Variants in NPHP1 observed in about 807,000 individuals in gnomAD.
NPHP1 encodes the protein nephrocystin-1.
A neutral mutation model predicts 90.4 loss-of-function variants in NPHP1; 70 were observed. The observed-to-expected ratio is 0.77, with a 90% CI of 0.64 to 0.95. The LOEUF is 0.95. NPHP1 is among the 40% of genes least tolerant of loss of function. The pLI is 0.00. For missense variants in NPHP1, 764 were observed against 795.9 expected (o/e 0.96, Z 0.48); for synonymous variants, 256 against 271.7 (o/e 0.94, Z 0.57).
intron 2 of NPHP1, among the ~76,000 whole-genome samples, chr2:110,187,712 A>G (rs1684396089): frequency 6.6e-6 from 1 of 152,150 alleles, no homozygotes; most frequent in Non-Finnish European, 1.5e-5. Context: ...AGATACAGCA[A>G]AAACAGAAAA....
Position 110,123,738 on chromosome 2 carries a change from C to T in NPHP1, c.*53G>A, listed in dbSNP as rs1211286714. 11 of 1,584,970 alleles carry T rather than the reference C, an allele frequency of 6.9e-6. No homozygotes were observed. The highest frequency in any genetic ancestry group is 6.7e-5 in the East Asian group (3 of 44,778). ...GGTTCCATCATTTTATTCACGTAAT[C>T]GTGGAGGATCCATCTGATTCCGTGG... is the stretch of plus-strand genomic sequence containing the variant. On this transcript the variant is annotated 3_prime_UTR_variant, in exon 20 of 20. Transcript: ENST00000445609.
At chr2:110,189,777 A>T (rs970851764) in intron 2 of NPHP1, among the ~76,000 whole-genome samples, 4 of 152,096 alleles carry the variant, frequency 2.6e-5, no homozygotes, top group Non-Finnish European at 5.9e-5. Flanking sequence ...TCCCCACTAG[A>T]TTAGCTAGAT....
intron 18 of NPHP1, 104 bp from the exon 19 acceptor site, chr2:110,125,785 T>C (rs1679315838): frequency 4.3e-6 from 4 of 934,548 alleles, no homozygotes; most frequent in Non-Finnish European, 7.0e-6. Flanking sequence ...GGGTTAAAAA[T>C]GCTGTACAGA....
Position 110,146,758 on chromosome 2 carries a change from T to G in NPHP1, c.1347A>C (p.Pro449=). The G allele has an allele frequency of 6.2e-7, 1 of 1,610,296 alleles. No individual in the cohort carries two copies. Among genetic ancestry groups the G allele is most frequent in the Non-Finnish European group, 8.5e-7 (1 of 1,176,480 alleles). ...KLFDASGVPI[P]AKTYELFLNG... is the part of the protein sequence containing the mutation. The stretch of plus-strand genomic sequence containing the variant: ...GGAATATATAGCCAACTTACTTTGC[T>G]GGAATAGGAACTCCACTGGCATCAA... Residue 449 remains proline (P), a synonymous_variant, in exon 14 of 20, where the codon CCA becomes CCC. Transcript: ENST00000445609.
chr2:110,183,598 C>T (rs559614835), intron 2 of NPHP1, among the ~76,000 whole-genome samples: 2 of 152,210 alleles, frequency 1.3e-5, no homozygotes, highest in South Asian at 4.1e-4. Context: ...ATTCCTCTAG[C>T]GCCGCTGGGT....
intron 2 of NPHP1, chr2:110,184,031 CT>C: frequency 2.1e-6 from 1 of 465,286 alleles, no homozygotes. Context: ...CTGGTAGTTC[CT>C]TCCCCAGGAG....
chr2:110,186,153 T>C (rs1392296376), intron 2 of NPHP1, among the ~76,000 whole-genome samples: 1 of 152,122 alleles, frequency 6.6e-6, no homozygotes. Flanking sequence ...AATTGGTAGC[T>C]ATACTCAAAG....
chr2:110,185,235 C>T (rs1275180676), intron 2 of NPHP1: 24 of 509,430 alleles, frequency 4.7e-5, no homozygotes, highest in Admixed American at 4.5e-4. Flanking sequence ...TTAAAACTCG[C>T]TTTGTTGAGT....
At chr2:110,164,948 A>T (rs1177461231) in intron 7 of NPHP1, 104 bp downstream of exon 7, 1 of 977,586 alleles carries the variant, frequency 1.0e-6, no homozygotes, top group East Asian at 2.6e-5. Context: ...CTCCAGGTAC[A>T]AGTTGTCTCC....
At chr2:110,135,197 TAGTC>T (rs754678567) in intron 16 of NPHP1, among the ~76,000 whole-genome samples, 11 of 151,998 alleles carry the variant, frequency 7.2e-5, no homozygotes, top group Admixed American at 2.0e-4. Context: ...CATCAAAAAA[TAGTC>T]AGAAATTTAA....
Position 110,150,186 on chromosome 2 carries a change from G to A in NPHP1, c.1154C>T (p.Pro385Leu), listed in dbSNP as rs774634654. The change falls in exon 12 of 20, where the codon CCC becomes CTC. Residue 385 changes from proline (P) to leucine (L), a missense_variant. By Grantham distance (98) the Pro-to-Leu change is moderately conservative. Coordinates refer to ENST00000445609, the MANE Select transcript of NPHP1 (RefSeq NM_001128178.3). ...CTCATTCAGCAGATTACTTACCTGG[G>A]GAGAAAAGGTCCATGTTTTGGGCTT... is the stretch of plus-strand genomic sequence containing the variant. ...PKKPKTWTFS[P>L]QVTRILPCLL... 12 of 1,612,206 alleles carry A rather than the reference G, an allele frequency of 7.4e-6. No homozygotes were observed. The highest frequency in any genetic ancestry group is 3.3e-5 in the Admixed American group (2 of 60,008).
Position 110,179,624 on chromosome 2 carries a change from T to G in NPHP1, c.204A>C (p.Lys68Asn). 7.6e-7 allele frequency: 1 copy of G among 1,311,112 alleles called. No homozygotes were observed. The highest frequency in any genetic ancestry group is 1.1e-6 in the Non-Finnish European group (1 of 909,212). 81.2% of individuals were successfully genotyped at this position (1,311,112 alleles called of 1,614,324 possible). ...TAATGTGATTAACCTCAATACTTAC[T>G]TTGCTTAATTTTTGAAGAGCATTTT... Reference protein sequence around the residue: ...ENKNALQKLSKADESAPVANY... With the variant: ...ENKNALQKLSNADESAPVANY... Residue 68 changes from lysine (K) to asparagine (N), a missense_variant and splice_region_variant, in exon 3 of 20, where the codon AAA becomes AAC. Physicochemically the swap from Lys to Asn is moderately conservative, Grantham distance 94. Transcript: ENST00000445609.
intron 2 of NPHP1, among the ~76,000 whole-genome samples, chr2:110,182,807 T>C (rs1574167544): frequency 2.0e-5 from 3 of 152,186 alleles, no homozygotes; most frequent in Middle Eastern, 6.8e-3. Flanking sequence ...TAACCTTAAA[T>C]GTAAGTGGGT....
rs1317803197 is a variant in NPHP1 at position 110,179,697 on chromosome 2, A to G, written c.144-13T>C. 1 of 1,128,044 alleles carries G rather than the reference A, an allele frequency of 8.9e-7. No individual in the cohort carries two copies. Among genetic ancestry groups the G allele is most frequent in the East Asian group, 2.4e-5 (1 of 41,678 alleles). The allele number at this position is 1,128,044 out of a possible 1,614,324, so 69.9% of individuals were successfully genotyped here. On this transcript the variant is annotated splice_polypyrimidine_tract_variant and intron_variant, in intron 2 of 19. Transcript: ENST00000445609. ...TAACTGGATACATCTAAATTAAGAA[A>G]AAAAAGAAAATATATTGATTTTTCT...
intron 2 of NPHP1, among the ~76,000 whole-genome samples, chr2:110,192,763 T>C (rs1218740279): frequency 6.6e-6 from 1 of 152,052 alleles, no homozygotes; most frequent in Non-Finnish European, 1.5e-5. Context: ...GAGAGAAAGC[T>C]CGGGTTACCC....
At chr2:110,157,396 T>C (rs1681985383) in intron 11 of NPHP1, among the ~76,000 whole-genome samples, 1 of 152,114 alleles carries the variant, frequency 6.6e-6, no homozygotes, top group Admixed American at 6.5e-5. Context: ...TTGTGCAGAA[T>C]GTATTATGGA....
intron 16 of NPHP1, among the ~76,000 whole-genome samples, chr2:110,133,067 A>G (rs867337493): frequency 1.3e-5 from 2 of 152,274 alleles, no homozygotes; most frequent in African/African-American, 4.8e-5. Context: ...ATTAGTAATC[A>G]CTTTAAATGT....
At chr2:110,145,536 C>T (rs191044262) in intron 14 of NPHP1, among the ~76,000 whole-genome samples, 46 of 152,202 alleles carry the variant, frequency 3.0e-4, no homozygotes, top group African/African-American at 1.1e-3. Context: ...GTGATCCTCC[C>T]GCCAAGGCCT....
At chr2:110,151,168 GAAAAA>G (rs35894521) in intron 11 of NPHP1, among the ~76,000 whole-genome samples, 3 of 116,478 alleles carry the variant, frequency 2.6e-5, no homozygotes, top group Non-Finnish European at 5.1e-5. Context: ...TCAGTCTCAA[GAAAAA>G]AAAAAAAAAA....
Sources: allele counts gnomAD v4.1 joint callset (sites outside exome capture counted in the v4.1 genomes callset), GRCh38; gene constraint gnomAD v4.1.1; transcripts MANE v1.5; gene names NCBI Gene and HGNC (gene_info 2026-07-23, HGNC 2026-07-21).